Variants in GPLD1 observed in about 807,000 individuals in gnomAD.
The protein encoded by GPLD1 is glycosylphosphatidylinositol specific phospholipase D1, also known as phosphatidylinositol-glycan-specific phospholipase D.
A neutral mutation model predicts 112.6 loss-of-function variants in GPLD1; 84 were observed. The ratio of observed to expected loss-of-function variants is 0.75; its 90% CI spans 0.63 to 0.89. The LOEUF (loss-of-function observed/expected upper bound fraction) is 0.89, where lower values mean the gene tolerates loss of function less well. GPLD1 is among the 40% of genes least tolerant of loss of function. The pLI is 0.00. For synonymous variants in GPLD1, 386 were observed against 403.8 expected (o/e 0.96, Z 0.53); for missense variants, 1,044 against 1,051.5 (o/e 0.99, Z 0.10).
chr6:24,430,583 CAG>C (rs1386460203), intron 24 of GPLD1, among the ~76,000 whole-genome samples: 1 of 128,922 alleles, frequency 7.8e-6, no homozygotes, highest in African/African-American at 2.8e-5. Flanking sequence ...TTCTGAAATA[CAG>C]AGACAGTGAG....
At position 24,495,172 on chromosome 6, in the gene GPLD1, T is replaced by C. The variant is rs1001493071; in HGVS notation, n.34A>G. ...CTGGCGGGCCTCTCTGCGGCGCTGCTGCGCACCGACAGCTTCGTGGGCGGC... is the reference window on the plus strand; with the variant it reads ...CTGGCGGGCCTCTCTGCGGCGCTGCCGCGCACCGACAGCTTCGTGGGCGGC... On this transcript the variant is annotated non_coding_transcript_exon_variant, in exon 1 of 11. Coordinates refer to the GPLD1 transcript ENST00000474784. The C allele has an allele frequency of 2.3e-5, 34 of 1,494,446 alleles. No homozygotes were observed. Among genetic ancestry groups the C allele is most frequent in the Non-Finnish European group, 4.4e-6 (5 of 1,129,566 alleles). 92.6% of individuals were successfully genotyped at this position (1,494,446 alleles called of 1,614,324 possible).
At chr6:24,429,316 G>A (rs373203424) in intron 24 of GPLD1, among the ~76,000 whole-genome samples, 198 bp from the exon 25 acceptor site, 187 of 152,280 alleles carry the variant, frequency 1.2e-3, no homozygotes, top group African/African-American at 4.2e-3. Flanking sequence ...GAAAACCGCA[G>A]CTAAGGATGC....
At chr6:24,476,990 A>C (rs909089862) in intron 3 of GPLD1, among the ~76,000 whole-genome samples, 2 of 152,126 alleles carry the variant, frequency 1.3e-5, no homozygotes, top group African/African-American at 4.8e-5. Flanking sequence ...TTCCTAAAGT[A>C]AAAATTGCCG....
intron 18 of GPLD1, 45 bp downstream of exon 18, chr6:24,446,793 C>T: frequency 6.3e-7 from 1 of 1,596,400 alleles, no homozygotes; most frequent in Non-Finnish European, 8.5e-7. Flanking sequence ...GCAGCAGGTA[C>T]CTGCCCCTGT....
At chr6:24,459,278 G>A (rs1763361689) in intron 12 of GPLD1, among the ~76,000 whole-genome samples, 1 of 152,034 alleles carries the variant, frequency 6.6e-6, no homozygotes, top group Non-Finnish European at 1.5e-5. Context: ...TTTTGAGACA[G>A]GGTGTCACTC....
chr6:24,492,039 A>C (rs191615769), upstream of GPLD1, among the ~76,000 whole-genome samples: 3 of 152,298 alleles, frequency 2.0e-5, no homozygotes, highest in East Asian at 5.8e-4. Flanking sequence ...CCCTTTCCTA[A>C]TATAGGTGGC....
In GPLD1 at chr6:24,429,076, G is replaced by A; in HGVS notation, c.2479C>T (p.Arg827Ter). The A allele has an allele frequency of 9.3e-6, 15 of 1,613,616 alleles. No homozygotes were observed. Among genetic ancestry groups the A allele is most frequent in the Non-Finnish European group, 1.2e-5 (14 of 1,179,684 alleles). Residue 827 changes from arginine (R) to a stop codon, truncating the protein, a stop_gained, in exon 25 of 25, where the codon CGA becomes TGA. Coordinates refer to ENST00000230036, the MANE Select transcript of GPLD1 (RefSeq NM_001503.4). LOFTEE classifies it high-confidence loss of function. ...TAGACGTGAAGTGCCCCGGAGAGTCGGGCTCCCAAAGAACTCCTTCCAGCA... is the reference window on the plus strand; with the variant it reads ...TAGACGTGAAGTGCCCCGGAGAGTCAGGCTCCCAAAGAACTCCTTCCAGCA... The part of the protein sequence containing the change: ...IAAGRSSLGA[R>*]LSGALHVYSL...
intron 20 of GPLD1, among the ~76,000 whole-genome samples, chr6:24,442,366 C>T (rs1369212699): frequency 6.6e-6 from 1 of 150,430 alleles, no homozygotes; most frequent in Non-Finnish European, 1.5e-5. Context: ...AGCAATCTTC[C>T]CACCTTAGTC....
At chr6:24,448,084 G>T (rs765588381) in intron 16 of GPLD1, 50 bp downstream of exon 16, 1 of 1,611,996 alleles carries the variant, frequency 6.2e-7, no homozygotes, top group South Asian at 1.1e-5. Flanking sequence ...GTGGCAGTTA[G>T]GATACAGCGA....
At chr6:24,475,280 T>C (rs1449680609) in intron 4 of GPLD1, 49 bp from the exon 5 acceptor site, 2 of 921,720 alleles carry the variant, frequency 2.2e-6, no homozygotes, top group Admixed American at 3.6e-5. Context: ...GATTTTATAA[T>C]AACAATCCTA....
At chr6:24,443,206 G>C (rs1762802258) in intron 20 of GPLD1, among the ~76,000 whole-genome samples, 2 of 151,746 alleles carry the variant, frequency 1.3e-5, no homozygotes, top group African/African-American at 4.9e-5. Flanking sequence ...AAAAGAAACT[G>C]TTTTAAAGGA....
intron 22 of GPLD1, among the ~76,000 whole-genome samples, chr6:24,435,408 T>C (rs887447712): frequency 6.6e-6 from 1 of 152,092 alleles, no homozygotes; most frequent in Non-Finnish European, 1.5e-5. Flanking sequence ...ATAGGAAAAA[T>C]ACTAGCAGGA....
rs1762460401 is a variant in GPLD1 at position 24,433,199 on chromosome 6, C to T, written c.2424G>A (p.Arg808=). 4 of 1,612,000 alleles carry T rather than the reference C, an allele frequency of 2.5e-6. No homozygotes were observed. In the African/African-American group the frequency reaches 4.0e-5, roughly 16 times the overall value. The change falls in exon 24 of 25, where the codon AGG becomes AGA. Residue 808 remains arginine (R), a synonymous_variant. Coordinates refer to ENST00000230036, the MANE Select transcript of GPLD1 (RefSeq NM_001503.4). Reference sequence around the variant, plus strand: ...TCCTTGGGCTCACCTTTGCCTTGGACCTCACGGTGATGAGGGAGCTCCCAA... The same window carrying T: ...TCCTTGGGCTCACCTTTGCCTTGGATCTCACGGTGATGAGGGAGCTCCCAA... The part of the protein sequence containing the change: ...SRFGSSLITV[R]SKAKNQVVIA...
rs1484862293 is a variant in GPLD1 at position 24,460,304 on chromosome 6, A to G, written c.983T>C (p.Phe328Ser). 4 of 1,613,716 alleles carry G rather than the reference A, an allele frequency of 2.5e-6. No homozygotes were observed. The highest frequency in any genetic ancestry group is 2.5e-6 in the Non-Finnish European group (3 of 1,179,616). ...RNINYTERGV[F>S]FSVNSWTPDS... ...CGGGGTCCAGGAATTTACACTAAAGAACACTCCTCTTTCAGTATAGTTTAT... is the reference window on the plus strand; with the variant it reads ...CGGGGTCCAGGAATTTACACTAAAGGACACTCCTCTTTCAGTATAGTTTAT... The change falls in exon 12 of 25, where the codon TTC becomes TCC. Residue 328 changes from phenylalanine (F) to serine (S), a missense_variant. Transcript: ENST00000230036.
chr6:24,494,288 C>G (rs1482487625), upstream of GPLD1, among the ~76,000 whole-genome samples: 1 of 152,152 alleles, frequency 6.6e-6, no homozygotes, highest in Non-Finnish European at 1.5e-5. Flanking sequence ...AGTGACTGGA[C>G]TAAGGTTAAC....
chr6:24,451,958 G>A (rs529522615), intron 14 of GPLD1, among the ~76,000 whole-genome samples: 42 of 152,208 alleles, frequency 2.8e-4, no homozygotes, highest in Admixed American at 2.0e-3. Context: ...CAGTCATTCC[G>A]AGAGGAGCAC....
intron 2 of GPLD1, among the ~76,000 whole-genome samples, chr6:24,482,100 T>TTG (rs547489719): frequency 0.11 from 13,096 of 120,174 alleles, 869 homozygotes; most frequent in South Asian, 0.17. Context: ...TTTTTGGATT[T>TTG]TTTTTTTTTT....
downstream of GPLD1, chr6:24,424,648 ACCTT>A (rs1175657522): frequency 6.6e-6 from 1 of 152,044 alleles, no homozygotes; most frequent in Non-Finnish European, 1.5e-5. Flanking sequence ...CATCCTACCT[ACCTT>A]TTAAAATATT....
At chr6:24,479,803 T>C (rs1690120836) in intron 3 of GPLD1, 78 bp downstream of exon 3, 4 of 780,674 alleles carry the variant, frequency 5.1e-6, no homozygotes, top group South Asian at 2.8e-5. Flanking sequence ...CACACATATA[T>C]ATATATTTTT....
Sources: allele counts gnomAD v4.1 joint callset (sites outside exome capture counted in the v4.1 genomes callset), GRCh38; gene constraint gnomAD v4.1.1; transcripts MANE v1.5; gene names NCBI Gene and HGNC (gene_info 2026-07-23, HGNC 2026-07-21).